GALNT6: variants seen among roughly 807,000 people sequenced by gnomAD.
GALNT6 encodes polypeptide N-acetylgalactosaminyltransferase 6, also known as GalNAc transferase 6.
Under a neutral mutation model 65.9 loss-of-function variants are expected in GALNT6, and 51 were observed. That is an observed-to-expected ratio of 0.77 (90% CI 0.62 to 0.98). The LOEUF is 0.98. Among genes scored for constraint, GALNT6 ranks in the 50% least tolerant of loss-of-function variants. GALNT6 has a pLI of 0.00. For synonymous variants in GALNT6, 323 were observed against 315.1 expected (o/e 1.02, Z -0.26); for missense variants, 708 against 803.3 (o/e 0.88, Z 1.43).
At chr12:51,356,242 T>C (rs1158083114) in intron 10 of GALNT6, among the ~76,000 whole-genome samples, 1 of 151,496 alleles carries the variant, frequency 6.6e-6, no homozygotes, top group Non-Finnish European at 1.5e-5. Flanking sequence ...GGTCTTGCTA[T>C]GTTGCCCAAG....
At position 51,354,475 on chromosome 12, in the gene GALNT6, G is replaced by T. The variant is rs1385153627; in HGVS notation, c.1773C>A (p.Asn591Lys). ...ATGTCAGGCAGGTACCAGATCCTGA[G>T]TTCCTGATGAGCTGATCCTAAAAGA... Reference protein sequence around the residue: ...WELAQDQLIRNSGSGTCLTSQ... With the variant: ...WELAQDQLIRKSGSGTCLTSQ... Residue 591 changes from asparagine (N) to lysine (K), a missense_variant, in exon 12 of 12, where the codon AAC becomes AAA. Coordinates refer to ENST00000356317, the MANE Select transcript of GALNT6 (RefSeq NM_007210.4). 1.3e-6 allele frequency: 2 copies of T among 1,597,080 alleles called. No individual in the cohort carries two copies. The highest frequency in any genetic ancestry group is 3.5e-5 in the Admixed American group (2 of 57,210).
At position 51,368,674 on chromosome 12, in the gene GALNT6, G is replaced by C. The variant is rs548536282; in HGVS notation, c.665-3095C>G. 1.9e-4 allele frequency among the ~76,000 whole-genome samples: 29 copies of C among 152,208 alleles called. No individual in the cohort carries two copies. In the South Asian group the frequency reaches 6.0e-3, roughly 32 times the overall value. ...GCCCGCCTCGGCCTCCCAAAGAGTT[G>C]GAATTACAGGCGTGAGCCACTACGC... is the stretch of plus-strand genomic sequence containing the variant. On this transcript the variant is annotated intron_variant, in intron 4 of 11. Coordinates refer to ENST00000356317, the MANE Select transcript of GALNT6 (RefSeq NM_007210.4).
At chr12:51,359,639 C>CGG (rs1450311045) in intron 7 of GALNT6, 8 of 249,092 alleles carry the variant, frequency 3.2e-5, no homozygotes. Flanking sequence ...GCCTGTATAC[C>CGG]TACTCTGAGC....
intron 2 of GALNT6, among the ~76,000 whole-genome samples, chr12:51,389,724 C>T (rs549827137): frequency 3.3e-5 from 5 of 152,286 alleles, no homozygotes; most frequent in Admixed American, 1.3e-4. Context: ...GAGGTCTGTT[C>T]GAGGCAATGG....
rs1947487353 is a variant in GALNT6 at position 51,377,273 on chromosome 12, T to A, written c.586A>T (p.Thr196Ser). The change falls in exon 4 of 12, where the codon ACA becomes TCA. Residue 196 changes from threonine (T) to serine (S), a missense_variant. Transcript: ENST00000356317. ...GTGGTGTGTAGGACGCTGTACACTG[T>A]TCGCAGCAGTGTGGACCAGGCTTCG... The part of the protein sequence containing the change: ...HNEAWSTLLR[T>S]VYSVLHTTPA... 1 of 1,613,430 alleles carries A rather than the reference T, an allele frequency of 6.2e-7. No individual in the cohort carries two copies. The highest frequency in any genetic ancestry group is 1.3e-5 in the African/African-American group (1 of 74,902).
chr12:51,374,611 C>A (rs1000525603), intron 4 of GALNT6, among the ~76,000 whole-genome samples: 1 of 152,186 alleles, frequency 6.6e-6, no homozygotes, highest in Non-Finnish European at 1.5e-5. Flanking sequence ...AGTGTGGAGT[C>A]AGTTCCTGCC....
At chr12:51,374,880 G>A (rs10506301) in intron 4 of GALNT6, among the ~76,000 whole-genome samples, 98,097 of 152,034 alleles carry the variant, frequency 0.65, 31,865 homozygotes, top group African/African-American at 0.69. Context: ...TGAAGTCACA[G>A]TACAGATGAA....
At chr12:51,357,076 C>T (rs1946769108) in intron 10 of GALNT6, among the ~76,000 whole-genome samples, 1 of 152,148 alleles carries the variant, frequency 6.6e-6, no homozygotes, top group African/African-American at 2.4e-5. Context: ...CACCCTCACC[C>T]CTAAATATCC....
Position 51,357,361 on chromosome 12 carries a change from A to C in GALNT6, c.1590T>G (p.Leu530=). The change falls in exon 10 of 12, where the codon CTT becomes CTG. Residue 530 remains leucine (L), a synonymous_variant. Transcript: ENST00000356317. The part of the protein sequence containing the change: ...KPLIMYSCHG[L]GGNQYFEYTT... The stretch of plus-strand genomic sequence containing the variant: ...GTGGGCTGCATACCTGGTTGCCGCC[A>C]AGGCCGTGGCAGGAGTACATGATGA... 3.7e-6 allele frequency: 6 copies of C among 1,612,262 alleles called. No homozygotes were observed. The highest frequency in any genetic ancestry group is 5.1e-6 in the Non-Finnish European group (6 of 1,178,290).
chr12:51,352,317 TC>T lies in GALNT6; in HGVS notation c.*2061del, dbSNP rs1463361945. ...TGCCGCCTCAGGCTTTCCAGGACCC[TC>T]CCGAGCCTTATCAGAGTCCTTACCC... On this transcript the variant is annotated 3_prime_UTR_variant, in exon 12 of 12. Coordinates refer to ENST00000356317, the MANE Select transcript of GALNT6 (RefSeq NM_007210.4). 2 of 152,230 alleles carry T rather than the reference TC, an allele frequency of 1.3e-5. No individual in the cohort carries two copies. Among genetic ancestry groups the T allele is most frequent in the Non-Finnish European group, 2.9e-5 (2 of 68,090 alleles). The allele number at this position is 152,230 out of a possible 1,614,324, so 9.4% of individuals were successfully genotyped here.
chr12:51,363,708 A>G (rs577484730), intron 6 of GALNT6, among the ~76,000 whole-genome samples: 16 of 152,270 alleles, frequency 1.1e-4, no homozygotes, highest in South Asian at 8.3e-4. Context: ...CTATTCCACA[A>G]TGGCCTCCAT....
At chr12:51,361,548 A>G (rs1019712926) in intron 6 of GALNT6, among the ~76,000 whole-genome samples, 1 of 152,246 alleles carries the variant, frequency 6.6e-6, no homozygotes. Context: ...TACAGGGAAC[A>G]TTTAGAAGGT....
At chr12:51,380,049 G>A (rs368981091) in intron 2 of GALNT6, among the ~76,000 whole-genome samples, 165 bp from the exon 3 acceptor site, 36 of 152,292 alleles carry the variant, frequency 2.4e-4, no homozygotes, top group African/African-American at 6.7e-4. Context: ...TGAGGAGACC[G>A]GAGGCAGTGT....
At chr12:51,378,311 T>G (rs372635152) in intron 3 of GALNT6, among the ~76,000 whole-genome samples, 1 of 152,180 alleles carries the variant, frequency 6.6e-6, no homozygotes, top group Non-Finnish European at 1.5e-5. Context: ...CCCACTACCA[T>G]GCCGGGCTAA....
chr12:51,354,569 T>C (rs1946691464), intron 11 of GALNT6, 77 bp from the exon 12 acceptor site: 3 of 851,426 alleles, frequency 3.5e-6, no homozygotes, highest in Non-Finnish European at 5.5e-6. Context: ...TGCGATGGGG[T>C]GCAATTGACA....
At chr12:51,367,070 C>A (rs922297026) in intron 4 of GALNT6, among the ~76,000 whole-genome samples, 7 of 152,038 alleles carry the variant, frequency 4.6e-5, no homozygotes, top group Admixed American at 4.6e-4. Flanking sequence ...TCGAGACCAG[C>A]CTGACCAACA....
chr12:51,365,643 CA>C (rs1424717850), intron 4 of GALNT6, 64 bp from the exon 5 acceptor site: 2 of 1,539,754 alleles, frequency 1.3e-6, no homozygotes, highest in African/African-American at 2.7e-5. Context: ...CCCCTGTGGG[CA>C]CCAAGCTAGG....
Position 51,354,259 on chromosome 12 carries a change from C to T in GALNT6, c.*120G>A. The T allele has an allele frequency of 1.7e-6, 1 of 580,478 alleles. No individual in the cohort carries two copies. The highest frequency in any genetic ancestry group is 3.0e-6 in the Non-Finnish European group (1 of 335,166). 36.0% of individuals were successfully genotyped at this position (580,478 alleles called of 1,614,324 possible). ...ATTAGGAAGGTCCTGCCTTGCCACC[C>T]AGTGGGTTTAGAAATCCATCTTTAC... On this transcript the variant is annotated 3_prime_UTR_variant, in exon 12 of 12. Transcript: ENST00000356317.
intron 3 of GALNT6, among the ~76,000 whole-genome samples, chr12:51,378,401 C>A (rs1350347191): frequency 6.6e-6 from 1 of 152,168 alleles, no homozygotes; most frequent in Non-Finnish European, 1.5e-5. Flanking sequence ...AAGAGATCCA[C>A]CCACCTCAGC....
Sources: gnomAD v4.1 joint callset for allele counts (sites outside exome capture counted in the v4.1 genomes callset) on GRCh38, gnomAD v4.1.1 for gene constraint, MANE v1.5 for transcripts, NCBI Gene and HGNC (gene_info 2026-07-23, HGNC 2026-07-21) for gene names.